CDH8: variants seen among roughly 807,000 people sequenced by gnomAD.
CDH8 encodes the protein cadherin-8.
Under a neutral mutation model 68.1 loss-of-function variants are expected in CDH8, and 17 were observed. That is an observed-to-expected ratio of 0.25 (90% CI 0.17 to 0.37). The LOEUF (loss-of-function observed/expected upper bound fraction) is 0.37. Ranked by LOEUF, CDH8 falls within the 10% of genes least tolerant of loss-of-function variation. The pLI is 1.00. For missense variants in CDH8, 763 were observed against 999.3 expected (o/e 0.76, Z 3.19); for synonymous variants, 372 against 365.1 (o/e 1.02, Z -0.21).
intron 8 of CDH8, among the ~76,000 whole-genome samples, chr16:61,780,275 T>A (rs1297222571): frequency 6.6e-6 from 1 of 152,200 alleles, no homozygotes; most frequent in Non-Finnish European, 1.5e-5. Context: ...ACAAGCCTAA[T>A]CTCTTGTTAG....
chr16:61,670,793 ATAGGTAGTT>A (rs1276624111), intron 10 of CDH8, among the ~76,000 whole-genome samples: 2 of 151,920 alleles, frequency 1.3e-5, no homozygotes, highest in Non-Finnish European at 2.9e-5. Context: ...GATTACCTAC[ATAGGTAGTT>A]GGTGACTAAA....
chr16:61,872,690 C>T (rs773918403), intron 3 of CDH8, among the ~76,000 whole-genome samples: 39 of 152,284 alleles, frequency 2.6e-4, no homozygotes, highest in Admixed American at 2.0e-3. Context: ...TCCCCATTCC[C>T]ATCACAGCCT....
chr16:61,655,849 CT>C, intron 10 of CDH8, 128 bp from the exon 11 acceptor site: 7 of 750,486 alleles, frequency 9.3e-6, no homozygotes, highest in African/African-American at 1.8e-5. Context: ...ACTGCTCAGG[CT>C]TTTTCCCTGA....
At chr16:61,717,822 G>A (rs951566634) in intron 9 of CDH8, among the ~76,000 whole-genome samples, 1 of 151,392 alleles carries the variant, frequency 6.6e-6, no homozygotes, top group Non-Finnish European at 1.5e-5. Context: ...AGTAATGGAT[G>A]AATAATAAAT....
chr16:61,971,954 T>G (rs976571710), intron 2 of CDH8, among the ~76,000 whole-genome samples: 16 of 151,956 alleles, frequency 1.1e-4, no homozygotes, highest in African/African-American at 3.9e-4. Flanking sequence ...AAGATTGGAG[T>G]GTATCAACGT....
In CDH8 at chr16:61,649,681, G is replaced by A. The variant is rs1963277121; in HGVS notation, c.*3927C>T. The A allele has an allele frequency of 6.6e-6, 1 of 151,954 alleles. No individual in the cohort carries two copies. The allele number at this position is 151,954 out of a possible 1,614,324, so 9.4% of individuals were successfully genotyped here. A position where few individuals can be genotyped will look rare whatever the true frequency, so the allele number is the denominator to read the frequency against. On this transcript the variant is annotated 3_prime_UTR_variant, in exon 12 of 12. Transcript: ENST00000577390. ...TTTCAATCAAAAAGGCAATCAGAAG[G>A]TTATACATTCGTGAGATTCCCTGCA...
At chr16:61,733,817 G>A (rs1290109088) in intron 8 of CDH8, among the ~76,000 whole-genome samples, 1 of 151,784 alleles carries the variant, frequency 6.6e-6, no homozygotes, top group Non-Finnish European at 1.5e-5. Flanking sequence ...ATTGTAACTC[G>A]TTGATTCTTG....
At chr16:61,719,650 C>T (rs1235169446) in intron 9 of CDH8, among the ~76,000 whole-genome samples, 1 of 151,022 alleles carries the variant, frequency 6.6e-6, no homozygotes, top group Admixed American at 6.6e-5. Flanking sequence ...CCTTTTCAAT[C>T]TTATCTCTTC....
intron 2 of CDH8, among the ~76,000 whole-genome samples, chr16:61,975,703 T>C (rs1965422882): frequency 6.6e-6 from 1 of 152,194 alleles, no homozygotes; most frequent in African/African-American, 2.4e-5. Context: ...TGGTTCAGTG[T>C]TCAACAATAG....
At chr16:61,878,992 C>A (rs915880754) in intron 3 of CDH8, among the ~76,000 whole-genome samples, 1 of 152,098 alleles carries the variant, frequency 6.6e-6, no homozygotes, top group Non-Finnish European at 1.5e-5. Context: ...AAGATTTGAT[C>A]CCTTCTATCT....
At chr16:61,921,813 C>T (rs144653223) in intron 2 of CDH8, among the ~76,000 whole-genome samples, 2,106 of 152,176 alleles carry the variant, frequency 0.014, 25 homozygotes, top group Non-Finnish European at 0.021. Context: ...AGGCAGATCA[C>T]GAGGTCAGGA....
At chr16:61,833,786 C>T (rs1305284010) in intron 4 of CDH8, among the ~76,000 whole-genome samples, 1 of 151,882 alleles carries the variant, frequency 6.6e-6, no homozygotes, top group Non-Finnish European at 1.5e-5. Context: ...CTTAAAATTC[C>T]ATGCATCCTT....
At chr16:61,706,619 T>TCAAAAAAAAAAAAAAAAAA (rs1964539170) in intron 10 of CDH8, among the ~76,000 whole-genome samples, 1 of 31,310 alleles carries the variant, frequency 3.2e-5, no homozygotes, top group Non-Finnish European at 5.5e-5. Context: ...AGACTCTGTC[T>TCAAAAAAAAAAAAAAAAAA]CAAAAAAAAA....
intron 3 of CDH8, among the ~76,000 whole-genome samples, chr16:61,877,680 A>G (rs1376758661): frequency 6.6e-6 from 1 of 152,176 alleles, no homozygotes; most frequent in Non-Finnish European, 1.5e-5. Flanking sequence ...ATGTCACACA[A>G]ATTCACACAC....
intron 7 of CDH8, among the ~76,000 whole-genome samples, chr16:61,790,420 G>A (rs117347174): frequency 0.01 from 1,564 of 152,102 alleles, 13 homozygotes; most frequent in Non-Finnish European, 0.013. Flanking sequence ...CTATTGGCCC[G>A]TAAGTAAGCA....
At chr16:61,683,179 T>G (rs1964044007) in intron 10 of CDH8, among the ~76,000 whole-genome samples, 1 of 152,030 alleles carries the variant, frequency 6.6e-6, no homozygotes, top group African/African-American at 2.4e-5. Flanking sequence ...AATAACATAT[T>G]TGTTTTTTAC....
chr16:61,857,127 G>C lies in CDH8; in HGVS notation c.659C>G (p.Pro220Arg). 1 of 1,613,526 alleles carries C rather than the reference G, an allele frequency of 6.2e-7. No homozygotes were observed. The highest frequency in any genetic ancestry group is 8.5e-7 in the Non-Finnish European group (1 of 1,179,590). ...LEGQPYFSIE[P>R]ETAIIKTALP... ...AAATTTAGGCCACAAACCTGTTTCA[G>C]GCTCAATGGAAAAATAAGGCTGCCC... is the stretch of plus-strand genomic sequence containing the variant. Residue 220 changes from proline to arginine, a missense_variant, in exon 4 of 12, where the codon CCT becomes CGT. By Grantham distance (103) the Pro-to-Arg change is moderately radical (BLOSUM62 -2). Around this residue, in one of 2 missense-constraint regions of CDH8, gnomAD observed 366 missense variants for 563.1 expected, o/e 0.65. Coordinates refer to ENST00000577390, the MANE Select transcript of CDH8 (RefSeq NM_001796.5).
chr16:61,740,476 G>A (rs1161633484), intron 8 of CDH8, among the ~76,000 whole-genome samples: 1 of 152,036 alleles, frequency 6.6e-6, no homozygotes, highest in Non-Finnish European at 1.5e-5. Flanking sequence ...TTCCCAGAAT[G>A]AACGCACCCA....
intron 2 of CDH8, among the ~76,000 whole-genome samples, chr16:62,000,073 G>A (rs1965871308): frequency 6.6e-6 from 1 of 151,822 alleles, no homozygotes; most frequent in Admixed American, 6.6e-5. Context: ...TTGGTTTTCT[G>A]TTACTGTGTT....
Sources: allele counts gnomAD v4.1 joint callset (sites outside exome capture counted in the v4.1 genomes callset), GRCh38; gene constraint gnomAD v4.1.1; regional missense constraint gnomAD v4.1.1; transcripts MANE v1.5; gene names NCBI Gene and HGNC (gene_info 2026-07-23, HGNC 2026-07-21).